Variants in ZBTB41 observed in about 807,000 individuals in gnomAD.
ZBTB41 encodes the protein zinc finger and BTB domain-containing protein 41.
Under a neutral mutation model 87.6 loss-of-function variants are expected in ZBTB41, and 42 were observed. The observed-to-expected ratio is 0.48, with a 90% CI of 0.37 to 0.62. ZBTB41 has a LOEUF of 0.62. ZBTB41 is among the 20% of genes least tolerant of loss of function. The pLI, the probability that ZBTB41 is intolerant of heterozygous loss-of-function variation, is 0.00. For synonymous variants in ZBTB41, 364 were observed against 364.0 expected (o/e 1.00, Z 0.00); for missense variants, 799 against 1,078.9 (o/e 0.74, Z 3.63).
Position 197,199,496 on chromosome 1 carries a change from C to T in ZBTB41, c.978G>A (p.Lys326=). 1 of 1,612,628 alleles carries T rather than the reference C, an allele frequency of 6.2e-7. No individual in the cohort carries two copies. Among genetic ancestry groups the T allele is most frequent in the South Asian group, 1.1e-5 (1 of 90,708 alleles). The part of the protein sequence containing the change: ...EYSDIEEQSE[K]DHNDAEEEPE... ...GTTCTTCTTCTGCATCATTATGATC[C>T]TTTTCACTTTGTTCTTCAATGTCAG... The change falls in exon 2 of 11, where the codon AAG becomes AAA. Residue 326 remains lysine (K), a synonymous_variant. Transcript: ENST00000367405.
rs910122527 is a variant in ZBTB41 at position 197,183,572 on chromosome 1, C to T, written c.1547-2455G>A. ...CAGTTGTAAAATATTTGTGGGTGTA[C>T]AGTAGTAAAATGTAATGATTTATTT... On this transcript the variant is annotated intron_variant, in intron 5 of 10. Coordinates refer to ENST00000367405, the MANE Select transcript of ZBTB41 (RefSeq NM_194314.3). 1.3e-5 allele frequency among the ~76,000 whole-genome samples: 2 copies of T among 152,132 alleles called. 1 individual carries two copies. Among genetic ancestry groups the T allele is most frequent in the Admixed American group, 1.3e-4 (2 of 15,260 alleles).
chr1:197,191,011 C>A (rs1344310407), intron 3 of ZBTB41, among the ~76,000 whole-genome samples, 180 bp from the exon 4 acceptor site: 1 of 152,032 alleles, frequency 6.6e-6, no homozygotes, highest in Non-Finnish European at 1.5e-5. Flanking sequence ...CATTCAGGAA[C>A]CTAGCTCTTT....
chr1:197,196,887 C>T (rs1299571188), intron 2 of ZBTB41, among the ~76,000 whole-genome samples: 8 of 152,188 alleles, frequency 5.3e-5, no homozygotes, highest in Non-Finnish European at 4.4e-5. Flanking sequence ...AGCTCAAATA[C>T]TATCTGCTCT....
At chr1:197,168,664 G>A (rs188107272) in intron 10 of ZBTB41, among the ~76,000 whole-genome samples, 2 of 152,108 alleles carry the variant, frequency 1.3e-5, no homozygotes, top group Admixed American at 1.3e-4. Context: ...AAATCTTCTA[G>A]AAGGTAACCG....
intron 10 of ZBTB41, among the ~76,000 whole-genome samples, chr1:197,165,616 A>T (rs1218144642): frequency 1.3e-5 from 2 of 151,874 alleles, no homozygotes; most frequent in Non-Finnish European, 1.5e-5. Context: ...TCTCAAAAAA[A>T]AAACAAAAAA....
chr1:197,169,730 T>C (rs1483830853), intron 10 of ZBTB41, among the ~76,000 whole-genome samples: 1 of 152,006 alleles, frequency 6.6e-6, no homozygotes, highest in African/African-American at 2.4e-5. Flanking sequence ...CAAAGAAAAT[T>C]CACCTTGAAT....
chr1:197,159,848 A>G lies in ZBTB41; in HGVS notation c.2241T>C (p.His747=), dbSNP rs1557973335. Residue 747 remains histidine, a synonymous_variant, in exon 11 of 11, where the codon CAT becomes CAC. Coordinates refer to ENST00000367405, the MANE Select transcript of ZBTB41 (RefSeq NM_194314.3). ...DKLKYHIDHV[H]EIKSPDDPLS... is the part of the protein sequence containing the mutation. The stretch of plus-strand genomic sequence containing the variant: ...GAGGATCATCAGGAGATTTTATTTC[A>G]TGAACATGGTCAATGTGGTATTTCA... The G allele has an allele frequency of 6.2e-7, 1 of 1,613,988 alleles. No individual in the cohort carries two copies. The highest frequency in any genetic ancestry group is 8.5e-7 in the Non-Finnish European group (1 of 1,179,886).
chr1:197,173,032 G>T (rs922917690), intron 9 of ZBTB41, among the ~76,000 whole-genome samples: 26 of 152,034 alleles, frequency 1.7e-4, no homozygotes, highest in Admixed American at 6.6e-4. Flanking sequence ...AAGTGTCTTT[G>T]AGTTAAACAG....
intron 10 of ZBTB41, among the ~76,000 whole-genome samples, chr1:197,170,135 C>T (rs1240420111): frequency 6.6e-6 from 1 of 151,524 alleles, no homozygotes; most frequent in Admixed American, 6.6e-5. Context: ...ATTGTTTCTC[C>T]AGATGAGGAT....
At chr1:197,183,585 T>C (rs962954997) in intron 5 of ZBTB41, among the ~76,000 whole-genome samples, 11 of 152,220 alleles carry the variant, frequency 7.2e-5, no homozygotes, top group African/African-American at 2.7e-4. Flanking sequence ...TAGTAAAATG[T>C]AATGATTTAT....
intron 10 of ZBTB41, among the ~76,000 whole-genome samples, chr1:197,165,328 AGCCAGGCATGGT>A (rs1485368270): frequency 6.6e-6 from 1 of 152,040 alleles, no homozygotes; most frequent in Non-Finnish European, 1.5e-5. Flanking sequence ...TGAGGTACGG[AGCCAGGCATGGT>A]GGCTCATGCC....
At chr1:197,163,703 C>A (rs1659251655) in intron 10 of ZBTB41, among the ~76,000 whole-genome samples, 1 of 150,978 alleles carries the variant, frequency 6.6e-6, no homozygotes, top group Admixed American at 6.6e-5. Flanking sequence ...CTTCTGAAAA[C>A]CAAAAACAGA....
chr1:197,190,879 A>G, intron 3 of ZBTB41, 48 bp from the exon 4 acceptor site: 1 of 1,220,178 alleles, frequency 8.2e-7, no homozygotes, highest in Non-Finnish European at 1.2e-6. Flanking sequence ...TATATTAGTT[A>G]AATCAATATT....
chr1:197,159,698 C>T lies in ZBTB41; in HGVS notation c.2391G>A (p.Thr797=), dbSNP rs376633171. ...CTTCAGCAGATACATTCTGTAACATCGTCTTGGCTTCCGACTGATAAACTT... is the reference window on the plus strand; with the variant it reads ...CTTCAGCAGATACATTCTGTAACATTGTCTTGGCTTCCGACTGATAAACTT... ...QPKVYQSEAK[T]MLQNVSAEVC... Residue 797 remains threonine, a synonymous_variant, in exon 11 of 11, where the codon ACG becomes ACA. Coordinates refer to ENST00000367405, the MANE Select transcript of ZBTB41 (RefSeq NM_194314.3). 5.1e-5 allele frequency: 83 copies of T among 1,613,838 alleles called. No homozygotes were observed. The highest frequency in any genetic ancestry group is 1.6e-4 in the Middle Eastern group (1 of 6,084).
At chr1:197,186,028 A>G (rs1659873183) in intron 5 of ZBTB41, among the ~76,000 whole-genome samples, 1 of 152,192 alleles carries the variant, frequency 6.6e-6, no homozygotes, top group Admixed American at 6.5e-5. Flanking sequence ...ACACTGAAGG[A>G]GAAAAATAAG....
intron 5 of ZBTB41, among the ~76,000 whole-genome samples, 196 bp downstream of exon 5, chr1:197,188,096 G>A (rs913482124): frequency 3.9e-5 from 6 of 152,158 alleles, no homozygotes; most frequent in Admixed American, 3.3e-4. Flanking sequence ...CTGATAATGG[G>A]GGAGGCTGTG....
chr1:197,192,648 A>G (rs1660065010), intron 2 of ZBTB41, among the ~76,000 whole-genome samples: 1 of 152,208 alleles, frequency 6.6e-6, no homozygotes, highest in Admixed American at 6.5e-5. Flanking sequence ...CATGAAAGGT[A>G]ACTCTTAATT....
intron 9 of ZBTB41, among the ~76,000 whole-genome samples, chr1:197,172,748 T>C (rs1659512329): frequency 1.3e-5 from 2 of 151,984 alleles, no homozygotes; most frequent in Non-Finnish European, 2.9e-5. Context: ...TTCTGTAAAT[T>C]ACACCTTAAC....
At position 197,159,099 on chromosome 1, in the gene ZBTB41, A is replaced by C. The variant is rs2125121203; in HGVS notation, c.*260T>G. On this transcript the variant is annotated 3_prime_UTR_variant, in exon 11 of 11. Coordinates refer to ENST00000367405, the MANE Select transcript of ZBTB41 (RefSeq NM_194314.3). ...AATATCAGCAGCTAATAATTGCAAA[A>C]AATTTAAGAAACCATTAAAAGTTAG... The C allele has an allele frequency of 1.1e-5, 4 of 361,524 alleles. No individual in the cohort carries two copies. In the South Asian group the frequency reaches 1.9e-4, roughly 18 times the overall value. 22.4% of individuals were successfully genotyped at this position (361,524 alleles called of 1,614,324 possible).
Sources: allele counts gnomAD v4.1 joint callset (sites outside exome capture counted in the v4.1 genomes callset), GRCh38; gene constraint gnomAD v4.1.1; transcripts MANE v1.5; gene names NCBI Gene and HGNC (gene_info 2026-07-23, HGNC 2026-07-21).